Variants in SPAG16 observed in about 807,000 individuals in gnomAD.
The protein encoded by SPAG16 is sperm-associated antigen 16 protein.
In SPAG16, 86 loss-of-function variants were observed where a neutral mutation model predicts 80.4. The observed-to-expected ratio is 1.07, with a 90% CI of 0.90 to 1.28. The LOEUF (loss-of-function observed/expected upper bound fraction) is 1.28, where lower values mean the gene tolerates loss of function less well. SPAG16 is among the 50% of genes most tolerant of loss of function. SPAG16 has a pLI of 0.00. For missense variants in SPAG16, 870 were observed against 765.3 expected (o/e 1.14, Z -1.61); for synonymous variants, 294 against 265.9 (o/e 1.11, Z -1.03).
intron 15 of SPAG16, among the ~76,000 whole-genome samples, chr2:214,302,814 G>A (rs1694652622): frequency 6.6e-6 from 1 of 152,092 alleles, no homozygotes; most frequent in South Asian, 2.1e-4. Flanking sequence ...TAATGCTCTG[G>A]TGCATATGAA....
At chr2:214,192,084 A>T (rs2057685169) in intron 15 of SPAG16, among the ~76,000 whole-genome samples, 1 of 151,942 alleles carries the variant, frequency 6.6e-6, no homozygotes, top group Non-Finnish European at 1.5e-5. Context: ...AAGGTTGAAA[A>T]CTCTGTGAAG....
chr2:213,314,953 TG>T (rs920864589), intron 4 of SPAG16, among the ~76,000 whole-genome samples: 7 of 151,734 alleles, frequency 4.6e-5, no homozygotes, highest in African/African-American at 1.2e-4. Flanking sequence ...GGATATTCTA[TG>T]GGGGGGTCCT....
At chr2:214,288,752 C>CTTATGTATTTAT (rs1553546070) in intron 15 of SPAG16, among the ~76,000 whole-genome samples, 1 of 141,468 alleles carries the variant, frequency 7.1e-6, no homozygotes, top group South Asian at 2.3e-4. Context: ...CCTTTGCCCA[C>CTTATGTATTTAT]TTATTTATTT....
At chr2:214,214,083 TA>T (rs1193996760) in intron 15 of SPAG16, among the ~76,000 whole-genome samples, 1 of 152,126 alleles carries the variant, frequency 6.6e-6, no homozygotes, top group Non-Finnish European at 1.5e-5. Flanking sequence ...GCCATATCAA[TA>T]TTTTTTTATT....
chr2:214,109,190 T>C (rs1322600313), intron 14 of SPAG16, among the ~76,000 whole-genome samples: 1 of 152,162 alleles, frequency 6.6e-6, no homozygotes, highest in Non-Finnish European at 1.5e-5. Context: ...GAAATAAATT[T>C]ATTTTCTTTA....
intron 13 of SPAG16, among the ~76,000 whole-genome samples, chr2:214,105,930 G>A (rs1027789401): frequency 1.7e-4 from 26 of 151,972 alleles, no homozygotes; most frequent in Admixed American, 6.6e-5. Flanking sequence ...TGTTATAGCA[G>A]CACAAATGTG....
chr2:214,204,917 T>A (rs541625489), intron 15 of SPAG16, among the ~76,000 whole-genome samples: 25 of 152,142 alleles, frequency 1.6e-4, no homozygotes, highest in Non-Finnish European at 2.8e-4. Flanking sequence ...GAAGTCCAAA[T>A]TAATGAAATC....
rs192931088 is a variant in SPAG16 at position 214,391,642 on chromosome 2, G to A, written c.1721-18498G>A. Among the ~76,000 whole-genome samples the A allele has an allele frequency of 3.5e-4, 53 of 152,214 alleles. 1 individual carries two copies. Among genetic ancestry groups the A allele is most frequent in the Admixed American group, 2.2e-3 (33 of 15,302 alleles). ...GTCAGTGGAAAACAGATCATGGAGC[G>A]GTAACTGACTTAACAGAGTGGGAGA... On this transcript the variant is annotated intron_variant, in intron 15 of 15. Transcript: ENST00000331683.
At chr2:213,564,517 A>G (rs116062348) in intron 10 of SPAG16, among the ~76,000 whole-genome samples, 5,789 of 151,510 alleles carry the variant, frequency 0.038, 362 homozygotes, top group African/African-American at 0.13. Context: ...AAAAAAGAGT[A>G]TGTCATTAAC....
intron 10 of SPAG16, among the ~76,000 whole-genome samples, chr2:213,808,507 G>A (rs2071914864): frequency 6.6e-6 from 1 of 152,110 alleles, no homozygotes; most frequent in Non-Finnish European, 1.5e-5. Context: ...TTAAGAAGAA[G>A]TTCATGTGAT....
chr2:213,337,941 T>A (rs1335509187), intron 5 of SPAG16, among the ~76,000 whole-genome samples: 1 of 151,544 alleles, frequency 6.6e-6, no homozygotes, highest in Admixed American at 6.6e-5. Flanking sequence ...AGGGCTGAAA[T>A]AAAGGAAAAA....
chr2:213,990,292 G>A lies in SPAG16; in HGVS notation c.1401-23659G>A, dbSNP rs550256193. Among the ~76,000 whole-genome samples, 5 of 152,140 alleles carry A rather than the reference G, an allele frequency of 3.3e-5. No homozygotes were observed. In the East Asian group the frequency reaches 9.6e-4, roughly 29 times the overall value. ...TAAAATACTAGAGTTGTATTATTGT[G>A]GAGAAAGACTGTATTAGAGCTAAGA... On this transcript the variant is annotated intron_variant, in intron 12 of 15. Transcript: ENST00000331683.
At chr2:213,357,723 G>T (rs969256591) in intron 7 of SPAG16, among the ~76,000 whole-genome samples, 4 of 152,114 alleles carry the variant, frequency 2.6e-5, no homozygotes, top group Non-Finnish European at 5.9e-5. Flanking sequence ...TTGCCAGTCT[G>T]TGTCTTTTAA....
At chr2:214,302,182 T>C (rs1368298485) in intron 15 of SPAG16, among the ~76,000 whole-genome samples, 3 of 152,212 alleles carry the variant, frequency 2.0e-5, no homozygotes, top group Non-Finnish European at 4.4e-5. Flanking sequence ...TTATTGAGAC[T>C]TACTTTATAG....
At chr2:214,226,975 G>T (rs1404677346) in intron 15 of SPAG16, among the ~76,000 whole-genome samples, 2 of 151,986 alleles carry the variant, frequency 1.3e-5, no homozygotes, top group Non-Finnish European at 1.5e-5. Context: ...ATAATTCAAA[G>T]ATGATTAAAA....
At chr2:213,832,509 C>CTT (rs1271089020) in intron 10 of SPAG16, among the ~76,000 whole-genome samples, 7 of 152,084 alleles carry the variant, frequency 4.6e-5, no homozygotes, top group African/African-American at 1.2e-4. Flanking sequence ...AAAGTACAGT[C>CTT]CCTCTCCCTC....
chr2:214,161,617 T>C (rs1455079603), intron 15 of SPAG16, among the ~76,000 whole-genome samples: 3 of 152,118 alleles, frequency 2.0e-5, no homozygotes, highest in African/African-American at 7.2e-5. Context: ...GAAGTGTCTG[T>C]TGGACAGTGA....
chr2:213,836,772 C>A (rs2074109721), intron 10 of SPAG16, among the ~76,000 whole-genome samples: 1 of 152,040 alleles, frequency 6.6e-6, no homozygotes, highest in South Asian at 2.1e-4. Context: ...TACCAATACA[C>A]CTGGCTAATT....
intron 12 of SPAG16, among the ~76,000 whole-genome samples, chr2:213,972,654 C>T (rs1029309566): frequency 4.6e-5 from 7 of 152,128 alleles, no homozygotes; most frequent in Admixed American, 6.6e-5. Flanking sequence ...CCAGAAATAA[C>T]GTTTTGTCAG....
Sources: gnomAD v4.1 joint callset for allele counts (sites outside exome capture counted in the v4.1 genomes callset) on GRCh38, gnomAD v4.1.1 for gene constraint, MANE v1.5 for transcripts, NCBI Gene and HGNC (gene_info 2026-07-23, HGNC 2026-07-21) for gene names.